The following CDH13 variants were observed in gnomAD, a reference collection of about 807,000 sequenced individuals.
CDH13 encodes the protein cadherin 13.
CDH13 carries 24 observed loss-of-function variants against 63.8 expected under a neutral mutation model. The observed-to-expected ratio is 0.38, with a 90% confidence interval of 0.27 to 0.53. The LOEUF is 0.53. Among genes scored for constraint, CDH13 ranks in the 20% least tolerant of loss-of-function variants. The pLI is 0.85. For synonymous variants in CDH13, 503 were observed against 355.3 expected, an observed-to-expected ratio of 1.42 and a Z score of -4.67; for missense variants, 1,049 against 903.1, an observed-to-expected ratio of 1.16 and a Z score of -2.07.
chr16:83,418,142 T>C (rs949109691), intron 6 of CDH13, among the ~76,000 whole-genome samples: 2 of 152,234 alleles, frequency 1.3e-5, no homozygotes, highest in Non-Finnish European at 2.9e-5. Flanking sequence ...ATTAGCTACA[T>C]GGCTGTCAGC....
At chr16:83,505,298 A>G (rs114761465) in intron 7 of CDH13, among the ~76,000 whole-genome samples, 3,774 of 152,272 alleles carry the variant, frequency 0.025, 158 homozygotes, top group African/African-American at 0.085. Flanking sequence ...GGATAATTCA[A>G]TCTATCCTCA....
intron 1 of CDH13, among the ~76,000 whole-genome samples, chr16:82,707,245 G>A (rs970207059): frequency 6.6e-6 from 1 of 152,200 alleles, no homozygotes; most frequent in Non-Finnish European, 1.5e-5. Context: ...CATTGCTAAT[G>A]AGGCTATGTA....
At chr16:83,605,752 G>T (rs1269816340) in intron 8 of CDH13, among the ~76,000 whole-genome samples, 1 of 152,200 alleles carries the variant, frequency 6.6e-6, no homozygotes, top group African/African-American at 2.4e-5. Context: ...AAATGTCAGA[G>T]GCCAAATTGA....
At chr16:83,518,038 C>G (rs1289473099) in intron 7 of CDH13, among the ~76,000 whole-genome samples, 1 of 152,212 alleles carries the variant, frequency 6.6e-6, no homozygotes, top group Non-Finnish European at 1.5e-5. Flanking sequence ...TTGTCATAAT[C>G]TCCACATGTC....
chr16:83,069,416 C>T (rs1043740287), intron 3 of CDH13, among the ~76,000 whole-genome samples: 2 of 152,124 alleles, frequency 1.3e-5, no homozygotes, highest in African/African-American at 4.8e-5. Context: ...ATAGAAACAC[C>T]TACTACGTGC....
At chr16:82,638,823 T>TGTGTGTGTGCGC (rs139451683) in intron 1 of CDH13, among the ~76,000 whole-genome samples, 7,216 of 150,888 alleles carry the variant, frequency 0.048, 259 homozygotes, top group East Asian at 0.1. Flanking sequence ...GGGCAGTGTG[T>TGTGTGTGTGCGC]GCGTGTGTGC....
chr16:83,194,820 G>T (rs928167117), intron 4 of CDH13, among the ~76,000 whole-genome samples: 2 of 152,204 alleles, frequency 1.3e-5, no homozygotes, highest in South Asian at 4.1e-4. Flanking sequence ...GCCAGGCCTG[G>T]GTGGCTATTA....
chr16:82,869,170 C>T (rs1394719877), intron 2 of CDH13, among the ~76,000 whole-genome samples: 1 of 152,146 alleles, frequency 6.6e-6, no homozygotes, highest in African/African-American at 2.4e-5. Context: ...CCTCAGCCTT[C>T]CGAGTAGCTG....
At chr16:83,168,846 C>G (rs1375032390) in intron 4 of CDH13, among the ~76,000 whole-genome samples, 1 of 152,090 alleles carries the variant, frequency 6.6e-6, no homozygotes, top group Non-Finnish European at 1.5e-5. Context: ...TTCTTCCAAA[C>G]CATGATATTT....
intron 6 of CDH13, among the ~76,000 whole-genome samples, chr16:83,445,201 AT>A (rs2072641199): frequency 1.3e-5 from 2 of 151,948 alleles, no homozygotes; most frequent in South Asian, 4.2e-4. Flanking sequence ...TAGTTTTCCC[AT>A]TTTGCAGCTG....
At chr16:82,807,996 A>G (rs970336258) in intron 1 of CDH13, among the ~76,000 whole-genome samples, 1 of 152,192 alleles carries the variant, frequency 6.6e-6, no homozygotes, top group Non-Finnish European at 1.5e-5. Flanking sequence ...CCCCAATTAC[A>G]GTATTTCTCC....
intron 1 of CDH13, among the ~76,000 whole-genome samples, chr16:82,848,765 CT>C: frequency 6.6e-6 from 1 of 152,194 alleles, no homozygotes; most frequent in Admixed American, 6.5e-5. Context: ...CAATAAAGTA[CT>C]TTCTTTGCCT....
intron 6 of CDH13, among the ~76,000 whole-genome samples, chr16:83,461,808 G>A (rs977111664): frequency 6.6e-6 from 1 of 152,238 alleles, no homozygotes; most frequent in African/African-American, 2.4e-5. Flanking sequence ...GAATGTATAA[G>A]AGCTATAGTG....
intron 8 of CDH13, among the ~76,000 whole-genome samples, chr16:83,661,215 A>G (rs1312762721): frequency 6.6e-6 from 1 of 152,190 alleles, no homozygotes; most frequent in Non-Finnish European, 1.5e-5. Context: ...TGCTGGACTC[A>G]GTGGCTCACA....
At chr16:83,206,925 A>C (rs1205648804) in intron 4 of CDH13, among the ~76,000 whole-genome samples, 2 of 152,240 alleles carry the variant, frequency 1.3e-5, no homozygotes, top group Non-Finnish European at 2.9e-5. Context: ...TAAACAAACA[A>C]ACACATTAAG....
chr16:83,212,733 C>G (rs750769117), intron 4 of CDH13, among the ~76,000 whole-genome samples: 1 of 152,098 alleles, frequency 6.6e-6, no homozygotes, highest in Non-Finnish European at 1.5e-5. Context: ...CTTGGGTATG[C>G]GTGAGAATCA....
intron 2 of CDH13, among the ~76,000 whole-genome samples, chr16:82,886,133 C>T (rs916225905): frequency 6.6e-6 from 1 of 152,060 alleles, no homozygotes; most frequent in African/African-American, 2.4e-5. Context: ...TCTTTAATAG[C>T]TGAAAAATAT....
chr16:83,313,643 T>TAAA lies in CDH13; in HGVS notation c.637-31198_637-31196dup, dbSNP rs59109363. Among the ~76,000 whole-genome samples, 460 of 89,896 alleles carry TAAA rather than the reference T, an allele frequency of 5.1e-3. 5 individuals carry two copies. The highest frequency in any genetic ancestry group is 8.6e-3 in the Non-Finnish European group (386 of 44,956). 59.0% of individuals were successfully genotyped at this position (89,896 alleles called of 152,430 possible). A position where few individuals can be genotyped will look rare whatever the true frequency, so the allele number is the denominator to read the frequency against. The stretch of plus-strand genomic sequence containing the variant: ...TGACTCTCAAGAACCCTTACCATTG[T>TAAA]AAAAAAAAAAAAAAAAAAAAAAAGG... On this transcript the variant is annotated intron_variant, in intron 5 of 13. Transcript: ENST00000567109.
At chr16:82,964,789 C>G (rs1907566855) in intron 2 of CDH13, among the ~76,000 whole-genome samples, 1 of 152,168 alleles carries the variant, frequency 6.6e-6, no homozygotes, top group Non-Finnish European at 1.5e-5. Context: ...CTTTTCCCAG[C>G]CAAATTTTAC....
Sources: allele counts gnomAD v4.1 joint callset (sites outside exome capture counted in the v4.1 genomes callset), GRCh38; gene constraint gnomAD v4.1.1; transcripts MANE v1.5; gene names NCBI Gene and HGNC (gene_info 2026-07-23, HGNC 2026-07-21).